The following GALNTL6 variants were observed in gnomAD, a reference collection of about 807,000 sequenced individuals.
GALNTL6 encodes polypeptide N-acetylgalactosaminyltransferase like 6.
A neutral mutation model predicts 73.7 loss-of-function variants in GALNTL6; 46 were observed. That is an observed-to-expected ratio of 0.62 (90% CI 0.49 to 0.80). The LOEUF is 0.80. Ranked by LOEUF, GALNTL6 falls within the 30% of genes least tolerant of loss-of-function variation. The pLI, the probability that GALNTL6 is intolerant of heterozygous loss-of-function variation, is 0.00. For missense variants in GALNTL6, 604 were observed against 755.0 expected (o/e 0.80, Z 2.34); for synonymous variants, 259 against 263.7 (o/e 0.98, Z 0.17).
At chr4:172,058,022 A>G (rs570107383) in intron 2 of GALNTL6, among the ~76,000 whole-genome samples, 1 of 152,096 alleles carries the variant, frequency 6.6e-6, no homozygotes, top group South Asian at 2.1e-4. Flanking sequence ...GGCTATATAA[A>G]TCAGCAACTA....
chr4:172,382,906 T>A (rs1174516531), intron 5 of GALNTL6, among the ~76,000 whole-genome samples: 1 of 152,120 alleles, frequency 6.6e-6, no homozygotes, highest in Non-Finnish European at 1.5e-5. Context: ...GGACTGTTTT[T>A]TCCCCATTAA....
intron 2 of GALNTL6, among the ~76,000 whole-genome samples, chr4:172,120,476 C>T (rs1426463583): frequency 6.6e-6 from 1 of 151,910 alleles, no homozygotes; most frequent in East Asian, 1.9e-4. Context: ...ATATAACTTT[C>T]TTTTATAAGG....
At chr4:172,493,530 T>C (rs1733964706) in intron 5 of GALNTL6, among the ~76,000 whole-genome samples, 1 of 152,172 alleles carries the variant, frequency 6.6e-6, no homozygotes, top group African/African-American at 2.4e-5. Flanking sequence ...TAACCAATAT[T>C]TCCAACACTT....
At chr4:172,489,593 C>T (rs780804720) in intron 5 of GALNTL6, among the ~76,000 whole-genome samples, 38 of 152,242 alleles carry the variant, frequency 2.5e-4, no homozygotes, top group Non-Finnish European at 4.1e-4. Flanking sequence ...ATACTAGTGT[C>T]ATTATCTGTT....
rs567487950 is a variant in GALNTL6, at chr4:172,577,221, A to G, written c.553+228532A>G. ...CAAGCAAATATAGCACTACTGACAC[A>G]GTAAAAATAATGTTGAGTGGGTGAC... On this transcript the variant is annotated intron_variant, in intron 5 of 12. Coordinates refer to ENST00000506823, the MANE Select transcript of GALNTL6 (RefSeq NM_001034845.3). Among the ~76,000 whole-genome samples, 24 of 152,360 alleles carry G rather than the reference A, an allele frequency of 1.6e-4. 1 individual carries two copies. In the East Asian group the frequency reaches 3.7e-3, roughly 23 times the overall value.
At chr4:172,729,750 T>G (rs1736039506) in intron 5 of GALNTL6, among the ~76,000 whole-genome samples, 1 of 152,138 alleles carries the variant, frequency 6.6e-6, no homozygotes, top group Non-Finnish European at 1.5e-5. Flanking sequence ...CTTTAGAATT[T>G]TTTCTATTTC....
intron 8 of GALNTL6, 26 bp from the exon 9 acceptor site, chr4:172,931,135 C>A (rs1748314141): frequency 8.1e-7 from 1 of 1,241,984 alleles, no homozygotes; most frequent in African/African-American, 1.5e-5. Context: ...TCACTGTTGT[C>A]TTTTGTTCTA....
intron 10 of GALNTL6, among the ~76,000 whole-genome samples, chr4:172,984,098 T>C (rs757246938): frequency 5.3e-5 from 8 of 152,234 alleles, no homozygotes; most frequent in Non-Finnish European, 1.2e-4. Context: ...GAAAATGTTC[T>C]TAGGCCACCA....
At chr4:172,620,883 C>T (rs185033820) in intron 5 of GALNTL6, among the ~76,000 whole-genome samples, 1 of 152,294 alleles carries the variant, frequency 6.6e-6, no homozygotes, top group African/African-American at 2.4e-5. Flanking sequence ...ACTTTGTGTT[C>T]CTGAACCAAA....
At chr4:172,156,469 CTG>C (rs1218394011) in intron 2 of GALNTL6, among the ~76,000 whole-genome samples, 5 of 148,390 alleles carry the variant, frequency 3.4e-5, no homozygotes, top group Admixed American at 2.0e-4. Context: ...CTACAGGAAA[CTG>C]TAGAGCGTTT....
intron 5 of GALNTL6, among the ~76,000 whole-genome samples, chr4:172,608,637 A>G (rs1413350019): frequency 6.6e-6 from 1 of 151,884 alleles, no homozygotes; most frequent in Non-Finnish European, 1.5e-5. Context: ...TTTTGGTTTT[A>G]TATGAATTTT....
chr4:171,903,294 C>T (rs7664192), intron 2 of GALNTL6, among the ~76,000 whole-genome samples: 5,448 of 151,884 alleles, frequency 0.036, 302 homozygotes, highest in African/African-American at 0.12. Context: ...GCGCACCGTG[C>T]GCGAGCTGAA....
chr4:172,449,334 G>A lies in GALNTL6; in HGVS notation c.553+100645G>A, dbSNP rs184017555. Among the ~76,000 whole-genome samples, 5 of 152,104 alleles carry A rather than the reference G, an allele frequency of 3.3e-5. No homozygotes were observed. In the East Asian group the frequency reaches 9.7e-4, roughly 29 times the overall value. ...CCCTCCAAGTACCACCATTATGAAG[G>A]TATAGACCTCACCTTCAAGGAAACA... On this transcript the variant is annotated intron_variant, in intron 5 of 12. Transcript: ENST00000506823.
chr4:171,910,977 T>C (rs1737459418), intron 2 of GALNTL6, among the ~76,000 whole-genome samples: 1 of 152,188 alleles, frequency 6.6e-6, no homozygotes, highest in Non-Finnish European at 1.5e-5. Context: ...GTTATTGATA[T>C]TCCTTAACAA....
At position 172,074,917 on chromosome 4, in the gene GALNTL6, C is replaced by T. The variant is rs1459498018; in HGVS notation, c.139-154739C>T. Among the ~76,000 whole-genome samples, 6 of 152,134 alleles carry T rather than the reference C, an allele frequency of 3.9e-5. No individual in the cohort carries two copies. The South Asian group carries it at 1.0e-3, about 26-fold the overall frequency. On this transcript the variant is annotated intron_variant, in intron 2 of 12. Coordinates refer to ENST00000506823, the MANE Select transcript of GALNTL6 (RefSeq NM_001034845.3). Reference sequence around the variant, plus strand: ...TATGCTAAAGATTCTAACTTTTAACCTGTGTAATGGTACTTTTGGAAAACT... The same window carrying T: ...TATGCTAAAGATTCTAACTTTTAACTTGTGTAATGGTACTTTTGGAAAACT...
chr4:172,028,532 T>C (rs1741664598), intron 2 of GALNTL6, among the ~76,000 whole-genome samples: 2 of 152,174 alleles, frequency 1.3e-5, no homozygotes, highest in South Asian at 2.1e-4. Flanking sequence ...TAGTTTTAGA[T>C]TGAGATAGTA....
At chr4:172,813,502 A>G (rs2110999102) in intron 6 of GALNTL6, 38 bp from the exon 7 acceptor site, 1 of 1,530,990 alleles carries the variant, frequency 6.5e-7, no homozygotes, top group Non-Finnish European at 9.0e-7. Context: ...TGACCTAGGC[A>G]GGCATGTCAT....
intron 5 of GALNTL6, among the ~76,000 whole-genome samples, chr4:172,683,878 T>G (rs1409215493): frequency 1.3e-5 from 2 of 152,192 alleles, no homozygotes; most frequent in African/African-American, 2.4e-5. Context: ...GGATTAGCTT[T>G]TTCGTGTTAG....
chr4:172,583,508 A>G (rs1737275178), intron 5 of GALNTL6, among the ~76,000 whole-genome samples: 1 of 152,194 alleles, frequency 6.6e-6, no homozygotes, highest in Non-Finnish European at 1.5e-5. Flanking sequence ...AAAGTTACAG[A>G]GCTAGCAAAT....
Sources: allele counts gnomAD v4.1 joint callset (sites outside exome capture counted in the v4.1 genomes callset), GRCh38; gene constraint gnomAD v4.1.1; transcripts MANE v1.5; gene names NCBI Gene and HGNC (gene_info 2026-07-23, HGNC 2026-07-21).